KCNK13: variants seen among roughly 807,000 people sequenced by gnomAD.
KCNK13 encodes potassium two pore domain channel subfamily K member 13, also known as potassium channel subfamily K member 13.
KCNK13 carries 12 observed loss-of-function variants against 23.4 expected under a neutral mutation model. That is an observed-to-expected ratio of 0.51 (90% confidence interval 0.33 to 0.83). KCNK13 has a LOEUF of 0.83. Among genes scored for constraint, KCNK13 ranks in the 40% least tolerant of loss-of-function variants. The pLI, the probability that KCNK13 is intolerant of heterozygous loss-of-function variation, is 0.02. For missense variants in KCNK13, 463 were observed against 556.3 expected (o/e 0.83, Z 1.69); for synonymous variants, 231 against 229.5 (o/e 1.01, Z -0.06).
intron 1 of KCNK13, among the ~76,000 whole-genome samples, chr14:90,100,289 G>T (rs1375836990): frequency 6.6e-6 from 1 of 152,154 alleles, no homozygotes; most frequent in Non-Finnish European, 1.5e-5. Context: ...TATAATAGGT[G>T]CCGTGGCTGC....
intron 1 of KCNK13, among the ~76,000 whole-genome samples, chr14:90,073,818 G>A (rs1889104856): frequency 6.6e-6 from 1 of 151,780 alleles, no homozygotes; most frequent in Non-Finnish European, 1.5e-5. Context: ...TTACTGGCAC[G>A]TGCCACCACG....
chr14:90,143,212 C>CTT lies in KCNK13; in HGVS notation c.335-40887_335-40886dup, dbSNP rs60670249. Among the ~76,000 whole-genome samples the CTT allele has an allele frequency of 1.2e-3, 138 of 112,618 alleles. 2 individuals carry two copies. The highest frequency in any genetic ancestry group is 1.9e-3 in the Admixed American group (22 of 11,324). 73.9% of individuals were successfully genotyped at this position (112,618 alleles called of 152,430 possible). ...TTTCTTTCTTTCTTTTCTTTCTTTT[C>CTT]TTTTTTTTTTTTTGAGACAGGGTCT... On this transcript the variant is annotated intron_variant, in intron 1 of 1. Coordinates refer to ENST00000282146, the MANE Select transcript of KCNK13 (RefSeq NM_022054.4).
chr14:90,107,725 G>A, intron 1 of KCNK13: 3 of 784,950 alleles, frequency 3.8e-6, no homozygotes, highest in Admixed American at 1.7e-5. Flanking sequence ...AGGTGGTTGT[G>A]TTCATCAAGC....
intron 1 of KCNK13, among the ~76,000 whole-genome samples, chr14:90,094,114 C>G (rs2140402609): frequency 6.6e-6 from 1 of 152,290 alleles, no homozygotes; most frequent in East Asian, 1.9e-4. Flanking sequence ...CTGTCTCTAT[C>G]TCATTCCCCT....
At chr14:90,077,828 GT>G (rs1373079180) in intron 1 of KCNK13, among the ~76,000 whole-genome samples, 3 of 152,100 alleles carry the variant, frequency 2.0e-5, no homozygotes, top group Non-Finnish European at 1.5e-5. Flanking sequence ...TTGCTCGCTT[GT>G]GGGGTTGCTT....
chr14:90,101,790 CAA>C (rs546423368), intron 1 of KCNK13, among the ~76,000 whole-genome samples: 962 of 55,506 alleles, frequency 0.017, 25 homozygotes, highest in African/African-American at 0.06. Context: ...ACTCCGTCTC[CAA>C]AAAAAAAAAA....
intron 1 of KCNK13, among the ~76,000 whole-genome samples, chr14:90,126,693 G>A (rs953895317): frequency 1.3e-5 from 2 of 151,990 alleles, no homozygotes; most frequent in African/African-American, 2.4e-5. Context: ...ACAGGCACAC[G>A]CCACCATCCC....
chr14:90,062,236 G>T lies in KCNK13; in HGVS notation c.31G>T (p.Gly11Cys). Reference protein sequence around the residue: MAGRGFSWGPGHLNEDNARFL... With the variant: MAGRGFSWGPCHLNEDNARFL... ...TGGCCGGGGTTTCAGCTGGGGCCCG[G>T]GCCACCTGAACGAGGACAACGCGCG... Residue 11 changes from glycine (G) to cysteine (C), a missense_variant, in exon 1 of 2, where the codon GGC (glycine) becomes TGC (cysteine). Gly to Cys is a radical substitution (Grantham distance 159). Transcript: ENST00000282146. The surrounding 1 kb of genome is among the most constrained non-coding windows in gnomAD (Gnocchi z 4.5). 1 of 1,516,848 alleles carries T rather than the reference G, an allele frequency of 6.6e-7. No homozygotes were observed. Among genetic ancestry groups the T allele is most frequent in the Non-Finnish European group, 8.8e-7 (1 of 1,140,138 alleles). 94.0% of individuals were successfully genotyped at this position (1,516,848 alleles called of 1,614,324 possible).
At chr14:90,072,340 G>A (rs754983295) in intron 1 of KCNK13, among the ~76,000 whole-genome samples, 3 of 152,196 alleles carry the variant, frequency 2.0e-5, no homozygotes, top group Admixed American at 6.5e-5. Context: ...GGGTCAGACC[G>A]TGAATGTAAA....
chr14:90,179,523 C>T (rs28587330), intron 1 of KCNK13, among the ~76,000 whole-genome samples: 1,665 of 152,240 alleles, frequency 0.011, 32 homozygotes, highest in African/African-American at 0.038. Flanking sequence ...GTCCCAGAAT[C>T]TGCCCCAGAA....
chr14:90,139,844 C>A (rs1169824464), intron 1 of KCNK13, among the ~76,000 whole-genome samples: 7 of 152,130 alleles, frequency 4.6e-5, no homozygotes. Flanking sequence ...CGCCTGTAGT[C>A]CCACCTACTC....
At chr14:90,134,571 C>T (rs556370999) in intron 1 of KCNK13, among the ~76,000 whole-genome samples, 2 of 152,266 alleles carry the variant, frequency 1.3e-5, no homozygotes, top group Non-Finnish European at 2.9e-5. Context: ...AATGGAAACA[C>T]GTCAAGGTGT....
At chr14:90,069,375 C>T (rs1292233108) in intron 1 of KCNK13, among the ~76,000 whole-genome samples, 1 of 152,000 alleles carries the variant, frequency 6.6e-6, no homozygotes, top group Non-Finnish European at 1.5e-5. Context: ...TGCAAGTGCC[C>T]TTTTCTGTCC....
At chr14:90,115,093 A>C (rs1487883309) in intron 1 of KCNK13, among the ~76,000 whole-genome samples, 1 of 152,198 alleles carries the variant, frequency 6.6e-6, no homozygotes, top group Non-Finnish European at 1.5e-5. Context: ...TGCACCTTCA[A>C]AATTTTGGGA....
chr14:90,167,408 A>G (rs1379723267), intron 1 of KCNK13, among the ~76,000 whole-genome samples: 20 of 152,214 alleles, frequency 1.3e-4, no homozygotes, highest in Admixed American at 1.2e-3. Flanking sequence ...CTTAATTGCC[A>G]GTCCTCCTTT....
intron 1 of KCNK13, among the ~76,000 whole-genome samples, chr14:90,175,873 A>G (rs1455378348): frequency 6.6e-6 from 1 of 152,166 alleles, no homozygotes; most frequent in African/African-American, 2.4e-5. Context: ...CCAGTCATCT[A>G]GGAATGGCTG....
At chr14:90,146,970 G>A (rs1890080164) in intron 1 of KCNK13, among the ~76,000 whole-genome samples, 1 of 151,946 alleles carries the variant, frequency 6.6e-6, no homozygotes, top group African/African-American at 2.4e-5. Flanking sequence ...AACCATTAAA[G>A]GTTTATAAGG....
At chr14:90,117,030 G>A (rs1423649045) in intron 1 of KCNK13, among the ~76,000 whole-genome samples, 1 of 152,142 alleles carries the variant, frequency 6.6e-6, no homozygotes, top group African/African-American at 2.4e-5. Flanking sequence ...CACAGTAAGA[G>A]ATTAACAACA....
chr14:90,163,947 C>T (rs1890276555), intron 1 of KCNK13, among the ~76,000 whole-genome samples: 2 of 152,206 alleles, frequency 1.3e-5, no homozygotes, highest in Non-Finnish European at 1.5e-5. Context: ...TTGCCTCAGC[C>T]TCCCAAAGTG....
Sources: allele counts gnomAD v4.1 joint callset (sites outside exome capture counted in the v4.1 genomes callset), GRCh38; gene constraint gnomAD v4.1.1; non-coding constraint Gnocchi (gnomAD v3.1); transcripts MANE v1.5; gene names NCBI Gene and HGNC (gene_info 2026-07-23, HGNC 2026-07-21).